The following ZGRF1 variants were observed in gnomAD, a reference collection of about 807,000 sequenced individuals.
The protein encoded by ZGRF1 is zinc finger GRF-type containing 1.
ZGRF1 carries 196 observed loss-of-function variants against 203.5 expected under a neutral mutation model. The observed-to-expected ratio is 0.96, with a 90% CI of 0.86 to 1.08. The LOEUF is 1.08. Among genes scored for constraint, ZGRF1 ranks in the 50% least tolerant of loss-of-function variants. The pLI is 0.00. For synonymous variants in ZGRF1, 809 were observed against 841.3 expected, an observed-to-expected ratio of 0.96 and a Z score of 0.66; for missense variants, 2,326 against 2,416.3, an observed-to-expected ratio of 0.96 and a Z score of 0.78.
At position 112,617,728 on chromosome 4, in the gene ZGRF1, GCTT is replaced by G. The variant is rs2046929485; in HGVS notation, c.2311_2313del (p.Lys771del). Reference sequence around the variant, plus strand: ...GCTTCTGTGTCTTTGGAAATAAGATGCTTTTTTCCCAGTGGGTAAAACAAAGAA... The same window carrying G: ...GCTTCTGTGTCTTTGGAAATAAGATGTTTTCCCAGTGGGTAAAACAAAGAA... On this transcript the variant is annotated inframe_deletion, in exon 6 of 28. Coordinates refer to ENST00000505019, the MANE Select transcript of ZGRF1 (RefSeq NM_018392.5). 2 of 1,614,064 alleles carry G rather than the reference GCTT, an allele frequency of 1.2e-6. No homozygotes were observed. Among genetic ancestry groups the G allele is most frequent in the Non-Finnish European group, 1.7e-6 (2 of 1,179,968 alleles).
chr4:112,546,989 G>GCTC (rs1363714791), intron 24 of ZGRF1: 6 of 201,562 alleles, frequency 3.0e-5, no homozygotes, highest in Non-Finnish European at 5.9e-5. Context: ...TATTTACAAT[G>GCTC]TGAAGTAGTG....
At chr4:112,557,540 T>TA (rs986645319) in intron 20 of ZGRF1, among the ~76,000 whole-genome samples, 33 of 152,276 alleles carry the variant, frequency 2.2e-4, no homozygotes, top group African/African-American at 6.5e-4. Context: ...GGACTTTTAC[T>TA]TATGGCACAG....
At chr4:112,571,099 T>A in intron 16 of ZGRF1, among the ~76,000 whole-genome samples, 1 of 122,366 alleles carries the variant, frequency 8.2e-6, no homozygotes, top group African/African-American at 3.1e-5. Flanking sequence ...CCAGACTGCA[T>A]TTCAAAAAAA....
At position 112,578,975 on chromosome 4, in the gene ZGRF1, GA is replaced by G. The variant is rs1471632297; in HGVS notation, c.4438+2687del. 2.4e-5 allele frequency among the ~76,000 whole-genome samples: 3 copies of G among 122,546 alleles called. 1 individual carries two copies. The highest frequency in any genetic ancestry group is 8.5e-5 in the African/African-American group (3 of 35,312). 80.4% of individuals were successfully genotyped at this position (122,546 alleles called of 152,430 possible). ...CTGGCAGAGACACAACAAAAAAACA[GA>G]ATTTTAGACCAATATCCCTGATGAA... On this transcript the variant is annotated intron_variant, in intron 16 of 27. Transcript: ENST00000505019.
At chr4:112,630,971 C>T (rs2047391376) in intron 3 of ZGRF1, among the ~76,000 whole-genome samples, 1 of 151,986 alleles carries the variant, frequency 6.6e-6, no homozygotes, top group East Asian at 1.9e-4. Context: ...TCATATGTGG[C>T]TCCTCCACCT....
chr4:112,565,108 C>T lies in ZGRF1; in HGVS notation c.4439-1834G>A, dbSNP rs546149065. On this transcript the variant is annotated intron_variant, in intron 16 of 27. Coordinates refer to ENST00000505019, the MANE Select transcript of ZGRF1 (RefSeq NM_018392.5). ...TACTGGAGGGGTGAAGAAACCTCAT[C>T]GTTACAGGCCTGGTACTGTGGCGCT... 4.5e-5 allele frequency: 62 copies of T among 1,376,400 alleles called. No homozygotes were observed. In the African/African-American group the frequency reaches 7.8e-4, roughly 17 times the overall value. The allele number at this position is 1,376,400 out of a possible 1,614,324, so 85.3% of individuals were successfully genotyped here.
intron 3 of ZGRF1, 72 bp downstream of exon 3, chr4:112,631,858 A>G (rs1482648997): frequency 3.8e-5 from 26 of 692,556 alleles, no homozygotes; most frequent in Non-Finnish European, 6.2e-5. Context: ...TATCATGTAC[A>G]GTTTTTTAAA....
chr4:112,585,043 T>C (rs1453711744), intron 14 of ZGRF1, among the ~76,000 whole-genome samples: 6 of 152,222 alleles, frequency 3.9e-5, no homozygotes, highest in Non-Finnish European at 8.8e-5. Context: ...GGTTGGAACA[T>C]ATCCCCCTTC....
intron 1 of ZGRF1, among the ~76,000 whole-genome samples, chr4:112,635,183 CG>C (rs1327282925): frequency 1.1e-4 from 16 of 151,070 alleles, no homozygotes; most frequent in Non-Finnish European, 1.0e-4. Flanking sequence ...CCCTCCCCTC[CG>C]GCGTACATAA....
In ZGRF1 at chr4:112,587,456, G is replaced by C; in HGVS notation, c.3601C>G (p.His1201Asp). Residue 1201 changes from histidine to aspartate, a missense_variant, in exon 12 of 28, where the codon CAT becomes GAT. Transcript: ENST00000505019. ...AVNESSLDSV[H>D]LQMIKGMLYQ... ...AGCATGCCTTTTATCATTTGCAAAT[G>C]CACAGAGTCTAAAGAGCTTTCATTG... The C allele has an allele frequency of 6.2e-7, 1 of 1,613,916 alleles. No homozygotes were observed. Among genetic ancestry groups the C allele is most frequent in the Non-Finnish European group, 8.5e-7 (1 of 1,179,848 alleles).
rs952444965 is a variant in ZGRF1, at chr4:112,613,176, C to G, written c.2603-588G>C. Among the ~76,000 whole-genome samples the G allele has an allele frequency of 3.3e-5, 5 of 152,250 alleles. No homozygotes were observed. In the East Asian group the frequency reaches 5.8e-4, roughly 18 times the overall value. ...AGACATGGTGGTGCACAACTATAAT[C>G]CCAGCTACTCAGGAAGCTGAGGCAG... On this transcript the variant is annotated intron_variant, in intron 6 of 27. Coordinates refer to ENST00000505019, the MANE Select transcript of ZGRF1 (RefSeq NM_018392.5).
chr4:112,614,947 T>C (rs1163088894), intron 6 of ZGRF1, among the ~76,000 whole-genome samples: 1 of 152,168 alleles, frequency 6.6e-6, no homozygotes, highest in African/African-American at 2.4e-5. Flanking sequence ...AAGAGTTATA[T>C]TGCTGTTGGC....
chr4:112,595,675 C>G (rs1748881911), intron 10 of ZGRF1, among the ~76,000 whole-genome samples: 1 of 151,942 alleles, frequency 6.6e-6, no homozygotes, highest in Non-Finnish European at 1.5e-5. Context: ...CATTAGAAGT[C>G]TAAGTGAAGA....
At chr4:112,555,626 A>G (rs966927191) in intron 20 of ZGRF1, among the ~76,000 whole-genome samples, 1 of 152,214 alleles carries the variant, frequency 6.6e-6, no homozygotes. Flanking sequence ...GGTTAAATCT[A>G]TAATAATAAG....
intron 16 of ZGRF1, 78 bp downstream of exon 16, chr4:112,581,585 T>G (rs1219030121): frequency 2.1e-6 from 2 of 943,268 alleles, no homozygotes; most frequent in Non-Finnish European, 2.9e-6. Context: ...AATTCTTTAA[T>G]ATAAACAATT....
At chr4:112,619,839 C>A (rs1339384667) in intron 5 of ZGRF1, 149 bp from the exon 6 acceptor site, 6 of 917,480 alleles carry the variant, frequency 6.5e-6, no homozygotes, top group East Asian at 5.4e-5. Flanking sequence ...AAAGTACATT[C>A]ATTTGTAATA....
chr4:112,566,694 G>C (rs978720989), intron 16 of ZGRF1, among the ~76,000 whole-genome samples: 133 of 152,080 alleles, frequency 8.7e-4, no homozygotes, highest in African/African-American at 3.1e-3. Context: ...AACAGAGAGA[G>C]AAGTGGAGAA....
chr4:112,561,069 C>G, intron 18 of ZGRF1, 74 bp from the exon 19 acceptor site: 1 of 1,180,346 alleles, frequency 8.5e-7, no homozygotes, highest in Non-Finnish European at 1.2e-6. Flanking sequence ...TAATTCATAA[C>G]TTAGCCATCA....
chr4:112,630,299 C>T (rs2047365418), intron 3 of ZGRF1, among the ~76,000 whole-genome samples: 1 of 152,186 alleles, frequency 6.6e-6, no homozygotes, highest in Admixed American at 6.5e-5. Flanking sequence ...AGGTGGATTA[C>T]CTGAAGTCAG....
Sources: gnomAD v4.1 joint callset for allele counts (sites outside exome capture counted in the v4.1 genomes callset) on GRCh38, gnomAD v4.1.1 for gene constraint, MANE v1.5 for transcripts, NCBI Gene and HGNC (gene_info 2026-07-23, HGNC 2026-07-21) for gene names.